PDE1A: variants seen among roughly 807,000 people sequenced by gnomAD.
PDE1A encodes phosphodiesterase 1A.
A neutral mutation model predicts 61.7 loss-of-function variants in PDE1A; 35 were observed. That is an observed-to-expected ratio of 0.57 (90% CI 0.43 to 0.75). PDE1A has a LOEUF of 0.75. PDE1A is among the 30% of genes least tolerant of loss of function. The pLI, the probability that PDE1A is intolerant of heterozygous loss-of-function variation, is 0.00. For missense variants in PDE1A, 597 were observed against 630.6 expected, an observed-to-expected ratio of 0.95 and a Z score of 0.57; for synonymous variants, 232 against 213.2, an observed-to-expected ratio of 1.09 and a Z score of -0.77.
chr2:182,658,413 A>G, the PDE1A span, among the ~76,000 whole-genome samples: 11 of 152,330 alleles, frequency 7.2e-5, no homozygotes, highest in South Asian at 2.1e-3. Flanking sequence ...ACTGGTCATT[A>G]TATTTAGAGC....
In PDE1A at chr2:182,426,730, G is replaced by A; in HGVS notation, c.-100C>T. 3 of 1,571,066 alleles carry A rather than the reference G, an allele frequency of 1.9e-6. No individual in the cohort carries two copies. The Admixed American group carries it at 5.8e-5, about 31-fold the overall frequency. On this transcript the variant is annotated 5_prime_UTR_variant, in exon 1 of 14. Transcript: ENST00000351439. ...GATCTATTGTGCTGCAAGGAGCCCA[G>A]AAAGAAAAAGTAGTTTCCTCTTTCT...
chr2:182,203,864 C>T lies in PDE1A; in HGVS notation c.903-2075G>A, dbSNP rs1686876562. Among the ~76,000 whole-genome samples the T allele has an allele frequency of 7.9e-5, 12 of 151,902 alleles. No individual in the cohort carries two copies. In the South Asian group the frequency reaches 2.5e-3, roughly 32 times the overall value. On this transcript the variant is annotated intron_variant, in intron 8 of 13. Transcript: ENST00000351439. Reference sequence around the variant, plus strand: ...TAAAATGTTATCAAACGTATAGCATCAAATAGGTATTTTATAGATTTTTGG... The same window carrying T: ...TAAAATGTTATCAAACGTATAGCATTAAATAGGTATTTTATAGATTTTTGG...
chr2:182,586,062 C>T, the PDE1A span, among the ~76,000 whole-genome samples: 2 of 152,222 alleles, frequency 1.3e-5, no homozygotes, highest in East Asian at 1.9e-4. Flanking sequence ...TGAATGTTTT[C>T]GCATTTCCCA....
intron 2 of PDE1A, among the ~76,000 whole-genome samples, chr2:182,462,709 G>C (rs1310850521): frequency 1.3e-5 from 2 of 151,522 alleles, no homozygotes; most frequent in Non-Finnish European, 2.9e-5. Context: ...CAGTGAGAGG[G>C]GACACATATG....
intron 2 of PDE1A, among the ~76,000 whole-genome samples, chr2:182,245,926 T>A (rs1690910949): frequency 6.6e-6 from 1 of 152,224 alleles, no homozygotes; most frequent in African/African-American, 2.4e-5. Context: ...CATTTTGTAT[T>A]CCCACCTGTA....
At chr2:182,364,404 C>T (rs529064664) in intron 1 of PDE1A, among the ~76,000 whole-genome samples, 1 of 123,100 alleles carries the variant, frequency 8.1e-6, no homozygotes, top group African/African-American at 3.1e-5. Flanking sequence ...TAAACTCTAT[C>T]AATTTTAGTT....
intron 13 of PDE1A, among the ~76,000 whole-genome samples, chr2:182,177,461 A>G (rs1684362636): frequency 2.0e-5 from 3 of 152,094 alleles, no homozygotes; most frequent in Non-Finnish European, 2.9e-5. Context: ...TAGATTTTCT[A>G]GCTTATTTGC....
chr2:182,240,758 G>C (rs751743109), intron 2 of PDE1A, among the ~76,000 whole-genome samples: 8 of 152,100 alleles, frequency 5.3e-5, no homozygotes, highest in Non-Finnish European at 7.3e-5. Flanking sequence ...CATGCTATTT[G>C]AATTAGGCTT....
At chr2:182,316,630 T>C (rs930401914) in intron 1 of PDE1A, among the ~76,000 whole-genome samples, 3 of 152,174 alleles carry the variant, frequency 2.0e-5, no homozygotes, top group South Asian at 2.1e-4. Flanking sequence ...AGAGAAGATA[T>C]TCAGAAAACT....
intron 1 of PDE1A, among the ~76,000 whole-genome samples, chr2:182,312,867 A>G (rs1193036163): frequency 6.6e-6 from 1 of 150,568 alleles, no homozygotes; most frequent in Non-Finnish European, 1.5e-5. Context: ...GACTGGGGTT[A>G]TATTGAAATT....
At chr2:182,253,515 A>T (rs1691557853) in intron 2 of PDE1A, among the ~76,000 whole-genome samples, 2 of 152,122 alleles carry the variant, frequency 1.3e-5, no homozygotes, top group South Asian at 4.2e-4. Context: ...CTTCCTATGA[A>T]GAGGAAACCT....
chr2:182,505,379 A>T (rs1689341176), intron 2 of PDE1A, among the ~76,000 whole-genome samples: 1 of 152,134 alleles, frequency 6.6e-6, no homozygotes. Context: ...CAATCTTAAC[A>T]TTTGGCAGAG....
intron 2 of PDE1A, among the ~76,000 whole-genome samples, chr2:182,521,798 T>A (rs1461892054): frequency 6.6e-6 from 1 of 152,156 alleles, no homozygotes; most frequent in East Asian, 1.9e-4. Flanking sequence ...CATTTTTTCT[T>A]ATAGAAATAT....
chr2:182,157,373 A>G (rs1195446558), intron 13 of PDE1A, among the ~76,000 whole-genome samples: 3 of 152,102 alleles, frequency 2.0e-5, no homozygotes, highest in African/African-American at 7.2e-5. Context: ...TCCATTGTAG[A>G]TCTTAAAACT....
Position 182,186,859 on chromosome 2 carries a change from A to G in PDE1A, c.1208-271T>C, listed in dbSNP as rs963667316. Among the ~76,000 whole-genome samples, 4 of 152,212 alleles carry G rather than the reference A, an allele frequency of 2.6e-5. No individual in the cohort carries two copies. In the East Asian group the frequency reaches 7.7e-4, roughly 29 times the overall value. On this transcript the variant is annotated intron_variant, in intron 11 of 13. Coordinates refer to ENST00000351439, the Ensembl canonical transcript of PDE1A. ...ATATTGGCTTTTCTATTTACTATTC[A>G]GCCTTATATAATATACGATTGCTAA...
intron 1 of PDE1A, among the ~76,000 whole-genome samples, chr2:182,363,678 G>C (rs944231764): frequency 1.3e-5 from 2 of 152,036 alleles, no homozygotes; most frequent in Non-Finnish European, 2.9e-5. Context: ...AAGAAAAAAG[G>C]CTGCAAAAGG....
chr2:182,655,701 G>T, the PDE1A span, among the ~76,000 whole-genome samples: 1 of 152,162 alleles, frequency 6.6e-6, no homozygotes, highest in Non-Finnish European at 1.5e-5. Flanking sequence ...GCAAGGAGAG[G>T]ATACTCTCCT....
At chr2:182,416,103 G>A (rs901213246) in intron 1 of PDE1A, among the ~76,000 whole-genome samples, 4 of 152,106 alleles carry the variant, frequency 2.6e-5, no homozygotes, top group Non-Finnish European at 4.4e-5. Flanking sequence ...GAGCTATATG[G>A]TTTCATTACA....
the PDE1A span, among the ~76,000 whole-genome samples, chr2:182,607,043 C>T: frequency 2.6e-5 from 4 of 151,518 alleles, no homozygotes; most frequent in African/African-American, 4.8e-5. Context: ...AGAAATGTAA[C>T]GTGGGGGGAA....
Sources: gnomAD v4.1 joint callset for allele counts (sites outside exome capture counted in the v4.1 genomes callset) on GRCh38, gnomAD v4.1.1 for gene constraint, MANE v1.5 for transcripts, NCBI Gene and HGNC (gene_info 2026-07-23, HGNC 2026-07-21) for gene names.